PDE7B: variants seen among roughly 807,000 people sequenced by gnomAD.
PDE7B encodes phosphodiesterase 7B, also known as 3',5'-cyclic-AMP phosphodiesterase 7B.
In PDE7B, 29 loss-of-function variants were observed where a neutral mutation model predicts 56.2. That is an observed-to-expected ratio of 0.52 (90% confidence interval 0.38 to 0.70). The LOEUF is 0.70. PDE7B is among the 30% of genes least tolerant of loss of function. The probability of loss-of-function intolerance (pLI) is 0.00; values close to 1 mark genes in which losing one functional copy is unlikely to be tolerated. For missense variants in PDE7B, 490 were observed against 565.0 expected (o/e 0.87, Z 1.35); for synonymous variants, 197 against 196.9 (o/e 1.00, Z 0.00).
chr6:135,924,980 A>G (rs1231600448), intron 1 of PDE7B, among the ~76,000 whole-genome samples: 3 of 141,968 alleles, frequency 2.1e-5, no homozygotes, highest in Admixed American at 7.2e-5. Context: ...CACACACTGT[A>G]TTTCTATATT....
intron 2 of PDE7B, among the ~76,000 whole-genome samples, chr6:136,010,040 T>C (rs1185792291): frequency 6.6e-6 from 1 of 152,162 alleles, no homozygotes; most frequent in Non-Finnish European, 1.5e-5. Flanking sequence ...TGGTATTAGG[T>C]TGTTAATTTG....
At position 136,017,628 on chromosome 6, in the gene PDE7B, T is replaced by G. The variant is rs144641397; in HGVS notation, c.82+70104T>G. ...CCTTGCAATAGTTTGCTGAGAATGA[T>G]GGCAAACCTGAAAACTTAACCACGT... On this transcript the variant is annotated intron_variant, in intron 2 of 12. Transcript: ENST00000308191. Among the ~76,000 whole-genome samples, 334 of 152,134 alleles carry G rather than the reference T, an allele frequency of 2.2e-3. 2 individuals carry two copies. The highest frequency in any genetic ancestry group is 4.1e-3 in the Non-Finnish European group (281 of 68,000).
rs77121600 is a variant in PDE7B, at chr6:136,131,811, C to T, written c.167-15540C>T. Among the ~76,000 whole-genome samples, 589 of 152,150 alleles carry T rather than the reference C, an allele frequency of 3.9e-3. 18 individuals are homozygous for T. In the East Asian group the frequency reaches 0.075, roughly 19 times the overall value. ...ACACATACATAGAATCGCTTCCAAC[C>T]TTTGCTATGAAGTTATTTCTCTAGG... On this transcript the variant is annotated intron_variant, in intron 3 of 12. Transcript: ENST00000308191.
chr6:136,068,938 A>C (rs1361558240), intron 2 of PDE7B, among the ~76,000 whole-genome samples: 2 of 152,290 alleles, frequency 1.3e-5, no homozygotes, highest in South Asian at 2.1e-4. Flanking sequence ...AGGGCCTGCT[A>C]TCTCATGTTA....
intron 2 of PDE7B, among the ~76,000 whole-genome samples, chr6:136,058,185 G>C (rs1000522740): frequency 2.0e-5 from 3 of 152,116 alleles, no homozygotes; most frequent in Admixed American, 6.5e-5. Flanking sequence ...CAAAAATCAG[G>C]GGTTTTGTAA....
chr6:136,102,281 G>T (rs564821873), intron 2 of PDE7B, among the ~76,000 whole-genome samples: 1 of 151,842 alleles, frequency 6.6e-6, no homozygotes, highest in Non-Finnish European at 1.5e-5. Flanking sequence ...GGTGGGTGGG[G>T]GTTTGGGAAG....
chr6:136,058,302 A>G (rs971035003), intron 2 of PDE7B, among the ~76,000 whole-genome samples: 11 of 152,164 alleles, frequency 7.2e-5, no homozygotes, highest in African/African-American at 2.7e-4. Flanking sequence ...GAGATTTCAG[A>G]GTTTGGATAA....
chr6:136,149,298 G>A (rs1778472684), intron 5 of PDE7B, 148 bp downstream of exon 5: 4 of 625,402 alleles, frequency 6.4e-6, no homozygotes, highest in Non-Finnish European at 1.1e-5. Context: ...GAAGGACCGG[G>A]GTAAGGGAAA....
At chr6:135,940,991 A>T (rs1032992484) in intron 1 of PDE7B, among the ~76,000 whole-genome samples, 3 of 152,246 alleles carry the variant, frequency 2.0e-5, no homozygotes, top group African/African-American at 7.2e-5. Context: ...TAGATATATC[A>T]GCATACAGGC....
chr6:136,116,785 C>G (rs762056064), intron 3 of PDE7B, among the ~76,000 whole-genome samples: 2 of 152,184 alleles, frequency 1.3e-5, no homozygotes, highest in Non-Finnish European at 2.9e-5. Context: ...CATAATCATT[C>G]ATGAGCCATC....
At chr6:135,943,340 C>T (rs191539980) in intron 1 of PDE7B, among the ~76,000 whole-genome samples, 48 of 152,172 alleles carry the variant, frequency 3.2e-4, no homozygotes, top group Admixed American at 2.2e-3. Context: ...GAAGAGGCAG[C>T]GACAGGATTT....
At position 135,937,830 on chromosome 6, in the gene PDE7B, C is replaced by A. The variant is rs893056706; in HGVS notation, c.22-9634C>A. 3.9e-5 allele frequency among the ~76,000 whole-genome samples: 6 copies of A among 152,266 alleles called. 1 individual carries two copies. Among genetic ancestry groups the A allele is most frequent in the Admixed American group, 3.9e-4 (6 of 15,300 alleles). On this transcript the variant is annotated intron_variant, in intron 1 of 12. Transcript: ENST00000308191. The stretch of plus-strand genomic sequence containing the variant: ...CCAGGGCTCTCCATCATGGGAGGAG[C>A]AAAATCTTCCCCTCATAAAACCCCA...
chr6:136,070,963 C>T (rs1777040554), intron 2 of PDE7B, among the ~76,000 whole-genome samples: 1 of 152,106 alleles, frequency 6.6e-6, no homozygotes, highest in African/African-American at 2.4e-5. Flanking sequence ...TCATGCAGCT[C>T]AACACTTCCA....
intron 2 of PDE7B, among the ~76,000 whole-genome samples, chr6:136,099,477 A>G (rs140807716): frequency 0.026 from 3,884 of 152,254 alleles, 155 homozygotes; most frequent in African/African-American, 0.087. Context: ...TCTAACTGGC[A>G]TGAGATGGTA....
chr6:136,160,502 C>T (rs781363877), intron 8 of PDE7B, among the ~76,000 whole-genome samples: 1 of 152,120 alleles, frequency 6.6e-6, no homozygotes, highest in Non-Finnish European at 1.5e-5. Flanking sequence ...TGTATGCAAG[C>T]CTGCTCGCCA....
At chr6:136,134,318 A>G (rs188978209) in intron 3 of PDE7B, among the ~76,000 whole-genome samples, 95 of 152,258 alleles carry the variant, frequency 6.2e-4, no homozygotes, top group Middle Eastern at 3.4e-3. Context: ...CACTTGCTTT[A>G]AATGTATGCT....
intron 2 of PDE7B, among the ~76,000 whole-genome samples, chr6:135,951,038 G>T (rs556149462): frequency 1.1e-4 from 17 of 152,278 alleles, no homozygotes; most frequent in African/African-American, 3.8e-4. Context: ...GTAAATACAG[G>T]TGTACTGCAG....
rs536848565 is a variant in PDE7B at position 136,181,244 on chromosome 6, T to C, written c.966T>C (p.Ala322=). The part of the protein sequence containing the change: ...HFMLQIALKC[A]DICNPCRIWE... ...TTTCTCAGATCGCCTTGAAGTGTGC[T>C]GACATTTGCAATCCTTGTAGAATCT... The change falls in exon 11 of 13, where the codon GCT becomes GCC. Residue 322 remains alanine (A), a synonymous_variant. Transcript: ENST00000308191. 6.2e-7 allele frequency: 1 copy of C among 1,613,588 alleles called. No homozygotes were observed. The highest frequency in any genetic ancestry group is 1.3e-5 in the African/African-American group (1 of 75,056).
chr6:136,008,323 T>A (rs1775825103), intron 2 of PDE7B, among the ~76,000 whole-genome samples: 3 of 152,122 alleles, frequency 2.0e-5, no homozygotes, highest in Admixed American at 6.5e-5. Context: ...TAGCAGCATG[T>A]CTTATAATCC....
Sources: allele counts gnomAD v4.1 joint callset (sites outside exome capture counted in the v4.1 genomes callset), GRCh38; gene constraint gnomAD v4.1.1; transcripts MANE v1.5; gene names NCBI Gene and HGNC (gene_info 2026-07-23, HGNC 2026-07-21).